Variants in OR2L13 observed in about 807,000 individuals in gnomAD.
The protein encoded by OR2L13 is olfactory receptor family 2 subfamily L member 13.
In OR2L13, 14 loss-of-function variants were observed where a neutral mutation model predicts 15.3. The observed-to-expected ratio is 0.91, with a 90% confidence interval of 0.60 to 1.43. The LOEUF is 1.43. Ranked by LOEUF, OR2L13 falls within the 40% of genes most tolerant of loss-of-function variation. The pLI, the probability that OR2L13 is intolerant of heterozygous loss-of-function variation, is 0.00. For synonymous variants in OR2L13, 152 were observed against 142.9 expected (o/e 1.06, Z -0.45); for missense variants, 367 against 387.9 (o/e 0.95, Z 0.45).
At chr1:248,019,085 C>T in the OR2L13 span, among the ~76,000 whole-genome samples, 2 of 152,150 alleles carry the variant, frequency 1.3e-5, no homozygotes, top group African/African-American at 4.8e-5. Flanking sequence ...TGTGATAATA[C>T]TGCTGTGAAT....
chr1:248,061,379 G>A, the OR2L13 span: 17 of 1,613,968 alleles, frequency 1.1e-5, no homozygotes, highest in Admixed American at 6.7e-5. Flanking sequence ...GCAGAAGGGA[G>A]GAAGAAAGCC....
At chr1:248,022,175 T>G in the OR2L13 span, 2 of 1,614,080 alleles carry the variant, frequency 1.2e-6, no homozygotes, top group Non-Finnish European at 1.7e-6. Flanking sequence ...TCTCTACGAT[T>G]GTTCCTAAGA....
At chr1:247,978,847 C>G in the OR2L13 span, among the ~76,000 whole-genome samples, 1 of 151,788 alleles carries the variant, frequency 6.6e-6, no homozygotes, top group African/African-American at 2.4e-5. Context: ...GACCTGTCTA[C>G]TCTCCTGGGC....
At chr1:248,019,456 G>A in the OR2L13 span, among the ~76,000 whole-genome samples, 1 of 152,078 alleles carries the variant, frequency 6.6e-6, no homozygotes, top group African/African-American at 2.4e-5. Flanking sequence ...TTCCACAGAG[G>A]CTGTAGAACT....
chr1:247,951,428 T>C, the OR2L13 span, among the ~76,000 whole-genome samples: 1 of 152,246 alleles, frequency 6.6e-6, no homozygotes, highest in Non-Finnish European at 1.5e-5. Flanking sequence ...GATTTGTTTG[T>C]ATTCTTCTTC....
the OR2L13 span, chr1:248,061,570 AT>A: frequency 6.2e-7 from 1 of 1,613,652 alleles, no homozygotes; most frequent in East Asian, 2.2e-5. Context: ...CAAGGAGGTG[AT>A]GGGGGCCCTG....
the OR2L13 span, among the ~76,000 whole-genome samples, chr1:248,053,209 G>C: frequency 6.6e-6 from 1 of 152,118 alleles, no homozygotes; most frequent in African/African-American, 2.4e-5. Context: ...GCAGTATTTA[G>C]TTTTCTGTTC....
the OR2L13 span, among the ~76,000 whole-genome samples, chr1:247,977,217 G>A: frequency 6.6e-6 from 1 of 152,090 alleles, no homozygotes; most frequent in Non-Finnish European, 1.5e-5. Flanking sequence ...CTCAAAGCAT[G>A]TTTATGTATT....
the OR2L13 span, chr1:248,003,798 C>T: frequency 8.1e-6 from 13 of 1,613,672 alleles, no homozygotes; most frequent in Admixed American, 2.2e-4. Flanking sequence ...GTTCTCCTTG[C>T]TGTCTACCAC....
At chr1:248,099,209 A>G (rs575631760) in intron 2 of OR2L13, 149 bp from the exon 3 acceptor site, 1 of 604,680 alleles carries the variant, frequency 1.7e-6, no homozygotes, top group Non-Finnish European at 2.9e-6. Flanking sequence ...TGCTTCAGAT[A>G]TAGAAATTGA....
At chr1:248,092,998 C>G (rs551202448), upstream of OR2L13, among the ~76,000 whole-genome samples, 33 of 152,208 alleles carry the variant, frequency 2.2e-4, no homozygotes, top group African/African-American at 7.5e-4. Context: ...AGGGGCTGAG[C>G]CTTGTGCAAA....
chr1:248,064,693 T>C, the OR2L13 span, among the ~76,000 whole-genome samples: 1 of 152,122 alleles, frequency 6.6e-6, no homozygotes, highest in Non-Finnish European at 1.5e-5. Flanking sequence ...TTTGGGGAAA[T>C]CATTCCATCT....
chr1:248,044,606 A>G, the OR2L13 span, among the ~76,000 whole-genome samples: 6 of 85,836 alleles, frequency 7.0e-5, 1 homozygote, highest in Non-Finnish European at 1.2e-4. Context: ...GATCGAGACC[A>G]TCCTGGCTAA....
the OR2L13 span, among the ~76,000 whole-genome samples, chr1:247,969,992 G>A: frequency 7.2e-5 from 11 of 152,282 alleles, no homozygotes; most frequent in African/African-American, 2.6e-4. Context: ...CAACTCCTAT[G>A]CAGAACTATA....
At chr1:248,071,391 A>G in the OR2L13 span, among the ~76,000 whole-genome samples, 67 of 152,278 alleles carry the variant, frequency 4.4e-4, 1 homozygote, top group Admixed American at 2.2e-3. Context: ...GATTATCTCA[A>G]TAGATGCAGA....
the OR2L13 span, chr1:248,003,098 GT>G: frequency 3.9e-6 from 4 of 1,031,700 alleles, no homozygotes; most frequent in Non-Finnish European, 6.1e-6. Context: ...ACTTACTCGT[GT>G]CTCCCTTCCG....
the OR2L13 span, among the ~76,000 whole-genome samples, chr1:247,984,799 G>T: frequency 2.7e-5 from 4 of 148,404 alleles, no homozygotes; most frequent in East Asian, 8.2e-4. Flanking sequence ...GTACATTTAT[G>T]TTGTTGTGCA....
the OR2L13 span, among the ~76,000 whole-genome samples, chr1:247,983,707 A>G: frequency 6.6e-6 from 1 of 152,214 alleles, no homozygotes; most frequent in Non-Finnish European, 1.5e-5. Flanking sequence ...ATAATCAAAG[A>G]GACACTACAT....
the OR2L13 span, among the ~76,000 whole-genome samples, chr1:248,036,871 T>G: frequency 6.6e-6 from 1 of 152,264 alleles, no homozygotes; most frequent in South Asian, 2.1e-4. Flanking sequence ...TTATGGATCT[T>G]AACAAAAAAT....
Sources: allele counts gnomAD v4.1 joint callset (sites outside exome capture counted in the v4.1 genomes callset), GRCh38; gene constraint gnomAD v4.1.1; transcripts MANE v1.5; gene names NCBI Gene and HGNC (gene_info 2026-07-23, HGNC 2026-07-21).